Variants in TRPC1 observed in about 807,000 individuals in gnomAD.
TRPC1 encodes transient receptor potential cation channel subfamily C member 1.
In TRPC1, 42 loss-of-function variants were observed where a neutral mutation model predicts 88.2. That is an observed-to-expected ratio of 0.48 (90% CI 0.37 to 0.62). TRPC1 has a LOEUF of 0.62. Ranked by LOEUF, TRPC1 falls within the 20% of genes least tolerant of loss-of-function variation. The pLI is 0.00. For missense variants in TRPC1, 699 were observed against 957.3 expected, an observed-to-expected ratio of 0.73 and a Z score of 3.56; for synonymous variants, 288 against 331.8, an observed-to-expected ratio of 0.87 and a Z score of 1.43.
intron 2 of TRPC1, 103 bp downstream of exon 2, chr3:142,736,636 C>G: frequency 9.2e-7 from 1 of 1,081,626 alleles, no homozygotes. Context: ...TCCTCTTCTT[C>G]CTTTCTTTTT....
In TRPC1 at chr3:142,806,278, C is replaced by A; in HGVS notation, c.*43C>A. 6.8e-7 allele frequency: 1 copy of A among 1,467,358 alleles called. No homozygotes were observed. Among genetic ancestry groups the A allele is most frequent in the Non-Finnish European group, 9.4e-7 (1 of 1,065,410 alleles). The allele number at this position is 1,467,358 out of a possible 1,614,324, so 90.9% of individuals were successfully genotyped here. On this transcript the variant is annotated 3_prime_UTR_variant, in exon 13 of 13. Coordinates refer to ENST00000476941, the MANE Select transcript of TRPC1 (RefSeq NM_001251845.2). ...GAGCGAATAATTTTCAATAACAGAT[C>A]CAAAAGACTATATTGCATAACTTGC...
intron 2 of TRPC1, among the ~76,000 whole-genome samples, chr3:142,742,876 G>A (rs1934405564): frequency 6.6e-6 from 1 of 152,088 alleles, no homozygotes; most frequent in Non-Finnish European, 1.5e-5. Flanking sequence ...GAATGATAAA[G>A]TCACTTCTCC....
At chr3:142,731,712 T>A (rs1331640205) in intron 1 of TRPC1, among the ~76,000 whole-genome samples, 1 of 152,058 alleles carries the variant, frequency 6.6e-6, no homozygotes, top group Non-Finnish European at 1.5e-5. Flanking sequence ...CCGATAACTC[T>A]AGCTGTGGAG....
intron 4 of TRPC1, among the ~76,000 whole-genome samples, chr3:142,758,631 T>C (rs1399209668): frequency 1.3e-5 from 2 of 152,176 alleles, no homozygotes; most frequent in Non-Finnish European, 1.5e-5. Context: ...TTTAGCTTAC[T>C]GTAATCTCAA....
At chr3:142,743,214 C>T (rs1934418071) in intron 2 of TRPC1, among the ~76,000 whole-genome samples, 2 of 152,066 alleles carry the variant, frequency 1.3e-5, no homozygotes, top group Admixed American at 6.5e-5. Flanking sequence ...TGGATCAGCA[C>T]TGTTACTCTA....
At chr3:142,791,303 T>C (rs1346578439) in intron 8 of TRPC1, 145 bp downstream of exon 8, 2 of 621,386 alleles carry the variant, frequency 3.2e-6, no homozygotes, top group Non-Finnish European at 5.0e-6. Context: ...GTGCACATAG[T>C]TTCCTATTTT....
intron 2 of TRPC1, among the ~76,000 whole-genome samples, chr3:142,741,485 A>C (rs1934347603): frequency 6.6e-6 from 1 of 152,210 alleles, no homozygotes; most frequent in South Asian, 2.1e-4. Flanking sequence ...AACTATTAAC[A>C]TGTTTGTCCT....
intron 4 of TRPC1, among the ~76,000 whole-genome samples, chr3:142,753,448 C>T (rs939374349): frequency 2.0e-5 from 3 of 152,006 alleles, no homozygotes; most frequent in Admixed American, 2.0e-4. Context: ...AGTAGAACTG[C>T]AGAAGAAAAG....
chr3:142,793,944 G>A (rs1457666187), intron 9 of TRPC1: 24 of 958,146 alleles, frequency 2.5e-5, no homozygotes, highest in Non-Finnish European at 2.9e-5. Flanking sequence ...CAAGTCCTGT[G>A]AGATGCTCTG....
At position 142,776,264 on chromosome 3, in the gene TRPC1, T is replaced by C. The variant is rs949792421; in HGVS notation, c.633-1368T>C. Among the ~76,000 whole-genome samples the C allele has an allele frequency of 1.4e-4, 21 of 152,230 alleles. 1 individual carries two copies. In the East Asian group the frequency reaches 3.7e-3, roughly 27 times the overall value. On this transcript the variant is annotated intron_variant, in intron 4 of 12. Coordinates refer to ENST00000476941, the MANE Select transcript of TRPC1 (RefSeq NM_001251845.2). The surrounding 1 kb of genome is among the most constrained non-coding windows in gnomAD (Gnocchi z 4.1). ...AAATGACGAGTTTTGAGGATTGCAGTTGGGAGGTGATGGGAGGACATGGAT... is the reference window on the plus strand; with the variant it reads ...AAATGACGAGTTTTGAGGATTGCAGCTGGGAGGTGATGGGAGGACATGGAT...
At chr3:142,760,050 T>C (rs1935128340) in intron 4 of TRPC1, among the ~76,000 whole-genome samples, 2 of 152,136 alleles carry the variant, frequency 1.3e-5, no homozygotes, top group South Asian at 4.1e-4. Context: ...ATGGTCTCGA[T>C]CTCCTGACCT....
chr3:142,754,083 C>A (rs1332710787), intron 4 of TRPC1, among the ~76,000 whole-genome samples: 2 of 112,166 alleles, frequency 1.8e-5, no homozygotes, highest in Non-Finnish European at 3.4e-5. Context: ...GAGCGAGACT[C>A]CGTCTCAAAA....
chr3:142,731,850 TA>T (rs1312959222), intron 1 of TRPC1, among the ~76,000 whole-genome samples: 1 of 152,116 alleles, frequency 6.6e-6, no homozygotes, highest in South Asian at 2.1e-4. Flanking sequence ...TTCAAATGGT[TA>T]AAAAAAATTT....
intron 1 of TRPC1, among the ~76,000 whole-genome samples, chr3:142,735,486 C>A (rs1221973372): frequency 6.6e-6 from 1 of 152,114 alleles, no homozygotes; most frequent in Non-Finnish European, 1.5e-5. Context: ...AAGCAAAACC[C>A]ACCTTGGCTT....
At chr3:142,789,595 G>A (rs753990050) in intron 7 of TRPC1, among the ~76,000 whole-genome samples, 4 of 152,046 alleles carry the variant, frequency 2.6e-5, no homozygotes, top group African/African-American at 7.2e-5. Flanking sequence ...ATTCTGATTG[G>A]CCTAATTTGA....
At chr3:142,746,539 T>C (rs559594464) in intron 3 of TRPC1, among the ~76,000 whole-genome samples, 1 of 152,260 alleles carries the variant, frequency 6.6e-6, no homozygotes, top group African/African-American at 2.4e-5. Context: ...ATAAACAAAT[T>C]AGTCATAAAA....
intron 4 of TRPC1, among the ~76,000 whole-genome samples, chr3:142,775,193 A>T (rs761065142): frequency 6.6e-6 from 1 of 152,204 alleles, no homozygotes; most frequent in Non-Finnish European, 1.5e-5. Flanking sequence ...AAAATGCATT[A>T]TATGGGATTA....
At chr3:142,748,771 G>A (rs1274576720) in intron 4 of TRPC1, among the ~76,000 whole-genome samples, 2 of 152,192 alleles carry the variant, frequency 1.3e-5, no homozygotes, top group Non-Finnish European at 2.9e-5. Context: ...GTCGTGGAAG[G>A]AGTGGAGATA....
chr3:142,742,162 C>CAA (rs79513736), intron 2 of TRPC1, among the ~76,000 whole-genome samples: 4,252 of 129,944 alleles, frequency 0.033, 190 homozygotes, highest in African/African-American at 0.11. Flanking sequence ...GACTCTGTCT[C>CAA]AAAAAAAAAA....
Sources: gnomAD v4.1 joint callset for allele counts (sites outside exome capture counted in the v4.1 genomes callset) on GRCh38, gnomAD v4.1.1 for gene constraint, Gnocchi (gnomAD v3.1) non-coding constraint, MANE v1.5 for transcripts, NCBI Gene and HGNC (gene_info 2026-07-23, HGNC 2026-07-21) for gene names.